PDE1C: variants seen among roughly 807,000 people sequenced by gnomAD.
The protein encoded by PDE1C is phosphodiesterase 1C.
In PDE1C, 62 loss-of-function variants were observed where a neutral mutation model predicts 93.1. That is an observed-to-expected ratio of 0.67 (90% confidence interval 0.54 to 0.82). The LOEUF is 0.82. Ranked by LOEUF, PDE1C falls within the 40% of genes least tolerant of loss-of-function variation. The pLI, the probability that PDE1C is intolerant of heterozygous loss-of-function variation, is 0.00. For missense variants in PDE1C, 742 were observed against 884.6 expected, an observed-to-expected ratio of 0.84 and a Z score of 2.04; for synonymous variants, 325 against 310.1, an observed-to-expected ratio of 1.05 and a Z score of -0.50.
chr7:32,205,002 A>C (rs901374804), intron 2 of PDE1C, among the ~76,000 whole-genome samples: 1 of 152,258 alleles, frequency 6.6e-6, no homozygotes, highest in Non-Finnish European at 1.5e-5. Flanking sequence ...GAAATTAAAG[A>C]AAAAAGGGAA....
chr7:32,110,836 T>C (rs1024937805), intron 3 of PDE1C, among the ~76,000 whole-genome samples: 2 of 152,196 alleles, frequency 1.3e-5, no homozygotes, highest in Non-Finnish European at 2.9e-5. Flanking sequence ...TTGAGATACA[T>C]GAAAATATCT....
intron 2 of PDE1C, among the ~76,000 whole-genome samples, chr7:32,196,758 A>C (rs1804650243): frequency 6.6e-6 from 1 of 152,264 alleles, no homozygotes; most frequent in South Asian, 2.1e-4. Context: ...AATCCATTAC[A>C]TAAGGAATGT....
chr7:31,666,359 C>A, the PDE1C span, among the ~76,000 whole-genome samples: 2 of 152,320 alleles, frequency 1.3e-5, no homozygotes, highest in East Asian at 3.9e-4. Context: ...AAACCTTTCT[C>A]ATACCGTCCT....
At chr7:32,183,691 A>C (rs1348839495) in intron 2 of PDE1C, among the ~76,000 whole-genome samples, 1 of 152,248 alleles carries the variant, frequency 6.6e-6, no homozygotes, top group Non-Finnish European at 1.5e-5. Flanking sequence ...CTAAAACCAT[A>C]AAAGCCCTAG....
intron 2 of PDE1C, among the ~76,000 whole-genome samples, chr7:32,043,148 G>A (rs1375678421): frequency 2.0e-5 from 3 of 152,132 alleles, no homozygotes; most frequent in East Asian, 1.9e-4. Flanking sequence ...ATCCTACAAT[G>A]CACAGGACAG....
intron 17 of PDE1C, among the ~76,000 whole-genome samples, chr7:31,761,940 G>A (rs1794856649): frequency 6.6e-6 from 1 of 152,134 alleles, no homozygotes; most frequent in South Asian, 2.1e-4. Context: ...TCACTTCACA[G>A]GGCAATGGTA....
chr7:32,172,982 C>T (rs1026780789), intron 2 of PDE1C, among the ~76,000 whole-genome samples: 2 of 151,916 alleles, frequency 1.3e-5, no homozygotes, highest in Non-Finnish European at 2.9e-5. Context: ...AGAAATATAC[C>T]ATTTGACCCA....
upstream of PDE1C, chr7:32,070,595 C>T: frequency 7.0e-7 from 1 of 1,424,336 alleles, no homozygotes; most frequent in Non-Finnish European, 9.1e-7. Context: ...CAGGTGCGCT[C>T]CGGAGGCAGC....
chr7:31,655,644 T>A, the PDE1C span: 2 of 674,550 alleles, frequency 3.0e-6, no homozygotes, highest in African/African-American at 3.9e-5. Flanking sequence ...TCCCACTGCA[T>A]CATCCCTTTT....
At chr7:31,819,216 T>C (rs1332948843) in intron 14 of PDE1C, among the ~76,000 whole-genome samples, 1 of 152,136 alleles carries the variant, frequency 6.6e-6, no homozygotes, top group Non-Finnish European at 1.5e-5. Context: ...CTGACATTAG[T>C]GTGATCGACT....
chr7:31,761,791 C>T (rs1477222902), intron 17 of PDE1C, among the ~76,000 whole-genome samples: 1 of 152,204 alleles, frequency 6.6e-6, no homozygotes, highest in Admixed American at 6.5e-5. Flanking sequence ...CTCCAATCCT[C>T]TCATTCTTCA....
intron 1 of PDE1C, among the ~76,000 whole-genome samples, chr7:32,365,684 AGCCCCGAC>A: frequency 6.6e-6 from 1 of 152,296 alleles, no homozygotes; most frequent in Non-Finnish European, 1.5e-5. Flanking sequence ...ACAGATCTGT[AGCCCCGAC>A]CCCAGCCTCA....
chr7:32,267,522 G>A (rs1376662375), intron 1 of PDE1C, among the ~76,000 whole-genome samples: 1 of 151,656 alleles, frequency 6.6e-6, no homozygotes, highest in Non-Finnish European at 1.5e-5. Flanking sequence ...GAAGGCAGAA[G>A]TGAGGTCTTT....
At chr7:32,280,844 G>C (rs528171023) in intron 1 of PDE1C, among the ~76,000 whole-genome samples, 2 of 152,252 alleles carry the variant, frequency 1.3e-5, no homozygotes, top group East Asian at 3.9e-4. Flanking sequence ...AATTATCAGA[G>C]TGTGGTGGTA....
upstream of PDE1C, among the ~76,000 whole-genome samples, chr7:32,075,422 G>A (rs74888492): frequency 1.3e-5 from 2 of 152,082 alleles, no homozygotes; most frequent in East Asian, 1.9e-4. Context: ...GATGTGAGGC[G>A]GCCCCCACAA....
At chr7:32,400,281 T>C (rs1285942955) in intron 1 of PDE1C, among the ~76,000 whole-genome samples, 1 of 152,192 alleles carries the variant, frequency 6.6e-6, no homozygotes, top group African/African-American at 2.4e-5. Flanking sequence ...AATGGACAAA[T>C]GAAGAAACTT....
chr7:32,394,938 G>A (rs533897623), intron 1 of PDE1C, among the ~76,000 whole-genome samples: 7 of 152,164 alleles, frequency 4.6e-5, no homozygotes, highest in Admixed American at 3.9e-4. Context: ...TGTCATGATT[G>A]GAAGCTTTCT....
chr7:32,326,759 A>G (rs1159715857), intron 1 of PDE1C, among the ~76,000 whole-genome samples: 1 of 152,192 alleles, frequency 6.6e-6, no homozygotes, highest in East Asian at 1.9e-4. Flanking sequence ...ACAGATGCAG[A>G]GCAATGGGGT....
At chr7:32,182,487 G>A (rs1365891405) in intron 2 of PDE1C, among the ~76,000 whole-genome samples, 1 of 152,166 alleles carries the variant, frequency 6.6e-6, no homozygotes, top group Non-Finnish European at 1.5e-5. Context: ...ATGCAAGGCT[G>A]GTTCAACATA....
Sources: gnomAD v4.1 joint callset for allele counts (sites outside exome capture counted in the v4.1 genomes callset) on GRCh38, gnomAD v4.1.1 for gene constraint, MANE v1.5 for transcripts, NCBI Gene and HGNC (gene_info 2026-07-23, HGNC 2026-07-21) for gene names.